Variants in ZNF479 observed in about 807,000 individuals in gnomAD.
ZNF479 encodes the protein KRAB zinc finger protein KR19.
In ZNF479, 15 loss-of-function variants were observed where a neutral mutation model predicts 14.7. That is an observed-to-expected ratio of 1.02 (90% CI 0.68 to 1.57). The LOEUF is 1.57. Among genes scored for constraint, ZNF479 ranks in the 40% most tolerant of loss-of-function variants. ZNF479 has a pLI of 0.00. For missense variants in ZNF479, 506 were observed against 615.1 expected (o/e 0.82, Z 1.88); for synonymous variants, 145 against 211.5 (o/e 0.69, Z 2.73).
rs782015270 is a variant in ZNF479 at position 57,120,907 on chromosome 7, A to G, written c.508T>C (p.Ser170Pro). 2.5e-6 allele frequency: 4 copies of G among 1,613,890 alleles called. No homozygotes were observed. In the Admixed American group the frequency reaches 5.0e-5, roughly 20 times the overall value. Reference protein sequence around the residue: ...HKYVKVFGKFSNSNRDKTRYT... With the variant: ...HKYVKVFGKFPNSNRDKTRYT... Reference sequence around the variant, plus strand: ...CTTGTTTTATCTCTATTGGAATTTGAAAATTTACCAAAGACTTTGACATAT... The same window carrying G: ...CTTGTTTTATCTCTATTGGAATTTGGAAATTTACCAAAGACTTTGACATAT... Residue 170 changes from serine to proline, a missense_variant, in exon 4 of 4, where the codon TCA becomes CCA. Transcript: ENST00000319636.
chr7:57,125,344 C>T (rs1314915319), intron 3 of ZNF479, among the ~76,000 whole-genome samples: 2 of 151,898 alleles, frequency 1.3e-5, no homozygotes, highest in African/African-American at 2.4e-5. Context: ...ACATCATAAG[C>T]GTTCTTTAAA....
chr7:57,126,065 T>C lies in ZNF479; in HGVS notation c.215A>G (p.Lys72Arg). The change falls in exon 3 of 4, where the codon AAA becomes AGA. Residue 72 changes from lysine to arginine, a missense_variant. This residue lies in a region of ZNF479 where 420 missense variants were observed against 474.2 expected (regional missense o/e 0.89). Transcript: ENST00000319636. ...ATTTCTCTTTATATTCTGGGACTCT[T>C]TATTTTGCTCCAGACAGGTGATCAA... ...PDLITCLEQN[K>R]ESQNIKRNEM... 1 of 1,604,260 alleles carries C rather than the reference T, an allele frequency of 6.2e-7. No individual in the cohort carries two copies.
chr7:57,136,183 A>G (rs1011478263), upstream of ZNF479, among the ~76,000 whole-genome samples: 1 of 152,110 alleles, frequency 6.6e-6, no homozygotes, highest in African/African-American at 2.4e-5. Flanking sequence ...CAGGAGTTGA[A>G]GACCAGCCCG....
Position 57,126,108 on chromosome 7 carries a change from C to T in ZNF479, c.172G>A (p.Ala58Thr). ...NYRNLVSLGI[A>T]VSKPDLITCL... ...GTGATCAAGTCTGGCTTAGAGACAG[C>T]AATACCTGTTTTATTAAGAAAAAAA... is the stretch of plus-strand genomic sequence containing the variant. Residue 58 changes from alanine (A) to threonine (T), a missense_variant, in exon 3 of 4, where the codon GCT becomes ACT. Around this residue, in one of 3 missense-constraint regions of ZNF479, gnomAD observed 420 missense variants for 474.2 expected, o/e 0.89. Coordinates refer to ENST00000319636, the MANE Select transcript of ZNF479 (RefSeq NM_001370129.2). The T allele has an allele frequency of 1.9e-6, 3 of 1,593,676 alleles. No individual in the cohort carries two copies. Among genetic ancestry groups the T allele is most frequent in the South Asian group, 1.1e-5 (1 of 89,274 alleles).
rs71563883 is a variant in ZNF479, at chr7:57,119,400, G to GAGTTCA, written c.*434_*439dup. Reference sequence around the variant, plus strand: ...ACAAAGGTGGATCACCTGAGGTCAGGAGTTCAAGACCATCCTGGCCAACAT... The same window carrying GAGTTCA: ...ACAAAGGTGGATCACCTGAGGTCAGGAGTTCAAGTTCAAGACCATCCTGGCCAACAT... On this transcript the variant is annotated 3_prime_UTR_variant, in exon 4 of 4. Coordinates refer to ENST00000319636, the MANE Select transcript of ZNF479 (RefSeq NM_001370129.2). 0.28 allele frequency among the ~76,000 whole-genome samples: 42,912 copies of GAGTTCA among 151,634 alleles called. 6,948 individuals carry two copies. Among genetic ancestry groups the GAGTTCA allele is most frequent in the East Asian group, 0.53 (2,678 of 5,098 alleles).
Position 57,126,773 on chromosome 7 carries a change from C to G in ZNF479, c.40-55G>C, listed in dbSNP as rs184860768. ...GAACACACAAGCACTTACCACACGG[C>G]CATAGGCAGAGATTTTTATTTGACT... On this transcript the variant is annotated intron_variant, in intron 1 of 3. Coordinates refer to ENST00000319636, the MANE Select transcript of ZNF479 (RefSeq NM_001370129.2). 6.8e-4 allele frequency: 1,082 copies of G among 1,602,244 alleles called. 6 individuals carry two copies. The African/African-American group carries it at 0.013, about 19-fold the overall frequency.
rs868930257 is a variant in ZNF479 at position 57,119,620 on chromosome 7, T to A, written c.*220A>T. 3.8e-5 allele frequency: 20 copies of A among 527,970 alleles called. No individual in the cohort carries two copies. Among genetic ancestry groups the A allele is most frequent in the Middle Eastern group, 5.3e-4 (1 of 1,896 alleles). The allele number at this position is 527,970 out of a possible 1,614,324, so 32.7% of individuals were successfully genotyped here. A position where few individuals can be genotyped will look rare whatever the true frequency, so the allele number is the denominator to read the frequency against. Reference sequence around the variant, plus strand: ...AGACTCCAACTCAAAAAAATTTTTTTAAAATAAATTCTCTTAGGTTTATTA... The same window carrying A: ...AGACTCCAACTCAAAAAAATTTTTTAAAAATAAATTCTCTTAGGTTTATTA... On this transcript the variant is annotated 3_prime_UTR_variant, in exon 4 of 4. Coordinates refer to ENST00000319636, the MANE Select transcript of ZNF479 (RefSeq NM_001370129.2).
In ZNF479 at chr7:57,120,697, G is replaced by C. The variant is rs1554400281; in HGVS notation, c.718C>G (p.Pro240Ala). Residue 240 changes from proline (P) to alanine (A), a missense_variant, in exon 4 of 4, where the codon CCA becomes GCA. Physicochemically the swap from Pro to Ala is conservative, Grantham distance 27. This residue lies in a region of ZNF479 where 420 missense variants were observed against 474.2 expected (regional missense o/e 0.89). Transcript: ENST00000319636. ...TTGCCACATTCCTCACATCTATATG[G>C]TTTCTCTCCAGTATGAATTATTTTA... Reference protein sequence around the residue: ...THKIIHTGEKPYRCEECGKAF... With the variant: ...THKIIHTGEKAYRCEECGKAF... 1 of 1,613,080 alleles carries C rather than the reference G, an allele frequency of 6.2e-7. No individual in the cohort carries two copies. Among genetic ancestry groups the C allele is most frequent in the African/African-American group, 1.3e-5 (1 of 74,936 alleles).
At chr7:57,125,888 A>C (rs1318456752) in intron 3 of ZNF479, 130 bp downstream of exon 3, 1 of 1,276,792 alleles carries the variant, frequency 7.8e-7, no homozygotes, top group Non-Finnish European at 1.1e-6. Context: ...CAAAAGAAAA[A>C]AATGACTTGA....
Position 57,126,637 on chromosome 7 carries a change from A to G in ZNF479, c.121T>C (p.Tyr41His). The G allele has an allele frequency of 6.2e-7, 1 of 1,614,086 alleles. No individual in the cohort carries two copies. Among genetic ancestry groups the G allele is most frequent in the Non-Finnish European group, 8.5e-7 (1 of 1,179,968 alleles). The change falls in exon 2 of 4, where the codon TAT becomes CAT. Residue 41 changes from tyrosine (Y) to histidine (H), a missense_variant. Tyr to His is a moderately conservative substitution (Grantham distance 83). Transcript: ENST00000319636. ...QCLDCAQRNL[Y>H]RDVMLENYRN... ...TAGTTCTCTAACATCACATCTCTATATAAATTCCGCTGAGCACAATCCAGG... is the reference window on the plus strand; with the variant it reads ...TAGTTCTCTAACATCACATCTCTATGTAAATTCCGCTGAGCACAATCCAGG...
At chr7:57,134,683 T>TG (rs1465691882), upstream of ZNF479, among the ~76,000 whole-genome samples, 3 of 147,314 alleles carry the variant, frequency 2.0e-5, no homozygotes, top group Non-Finnish European at 4.5e-5. Context: ...TTTTTTTTTT[T>TG]TTTGTCTTTG....
upstream of ZNF479, among the ~76,000 whole-genome samples, chr7:57,133,641 G>A (rs2115900691): frequency 6.6e-6 from 1 of 152,294 alleles, no homozygotes; most frequent in South Asian, 2.1e-4. Context: ...CCGAGGTGGT[G>A]AACCATCTGA....
intron 1 of ZNF479, chr7:57,139,532 T>C (rs187880996): frequency 1.2e-4 from 18 of 152,350 alleles, no homozygotes; most frequent in African/African-American, 4.1e-4. Flanking sequence ...AATTGTGACA[T>C]ATACATTTTC....
intron 1 of ZNF479, among the ~76,000 whole-genome samples, chr7:57,137,807 G>C (rs1583955180): frequency 6.6e-6 from 1 of 152,046 alleles, no homozygotes; most frequent in Admixed American, 6.6e-5. Context: ...CATATCTCTG[G>C]GCCAATCACC....
upstream of ZNF479, among the ~76,000 whole-genome samples, chr7:57,134,167 C>T (rs116978496): frequency 0.013 from 2,033 of 152,222 alleles, 25 homozygotes; most frequent in Non-Finnish European, 0.023. Flanking sequence ...GACTGCATTT[C>T]CATGAGGCCT....
chr7:57,120,855 C>T lies in ZNF479; in HGVS notation c.560G>A (p.Cys187Tyr), dbSNP rs782221601. ...GCAAAATGATTTGCCATATTTGTTA[C>T]ATTTGAAATGTTTATTTCCAGTATA... is the stretch of plus-strand genomic sequence containing the variant. The part of the protein sequence containing the change: ...TRYTGNKHFK[C>Y]NKYGKSFCML... Residue 187 changes from cysteine to tyrosine, a missense_variant, in exon 4 of 4, where the codon TGT becomes TAT. Cys to Tyr is a radical substitution (Grantham distance 194). Coordinates refer to ENST00000319636, the MANE Select transcript of ZNF479 (RefSeq NM_001370129.2). 3.1e-6 allele frequency: 5 copies of T among 1,613,856 alleles called. No homozygotes were observed. In the South Asian group the frequency reaches 5.5e-5, roughly 18 times the overall value.
chr7:57,120,222 A>G lies in ZNF479; in HGVS notation c.1193T>C (p.Ile398Thr). ...CTCTCCAGTATGAATTCTCTTGTGG[A>G]TAGTAAGTGCTGAGGAGCGCCTAAA... ...QDFRRSSALT[I>T]HKRIHTGERP... The change falls in exon 4 of 4, where the codon ATC becomes ACC. Residue 398 changes from isoleucine to threonine, a missense_variant. This residue lies in a region of ZNF479 where 420 missense variants were observed against 474.2 expected (regional missense o/e 0.89). Transcript: ENST00000319636. 2 of 1,593,092 alleles carry G rather than the reference A, an allele frequency of 1.3e-6. No individual in the cohort carries two copies. Among genetic ancestry groups the G allele is most frequent in the Non-Finnish European group, 1.7e-6 (2 of 1,172,444 alleles).
intron 1 of ZNF479, among the ~76,000 whole-genome samples, chr7:57,130,256 C>G (rs757658150): frequency 6.6e-6 from 1 of 152,128 alleles, no homozygotes; most frequent in African/African-American, 2.4e-5. Context: ...GGGAAGATCA[C>G]GAGTTCAGGG....
chr7:57,134,266 C>T (rs570533742), upstream of ZNF479, among the ~76,000 whole-genome samples: 4 of 152,014 alleles, frequency 2.6e-5, no homozygotes, highest in East Asian at 1.9e-4. Flanking sequence ...AGTAAAGAAG[C>T]GACAAAAATC....
Sources: gnomAD v4.1 joint callset for allele counts (sites outside exome capture counted in the v4.1 genomes callset) on GRCh38, gnomAD v4.1.1 for gene constraint, gnomAD v4.1.1 regional missense constraint, MANE v1.5 for transcripts, NCBI Gene and HGNC (gene_info 2026-07-23, HGNC 2026-07-21) for gene names.